Variants in ADAMTSL1 observed in about 807,000 individuals in gnomAD.
The protein encoded by ADAMTSL1 is ADAMTS like 1.
In ADAMTSL1, 126 loss-of-function variants were observed where a neutral mutation model predicts 201.8. The observed-to-expected ratio is 0.62, with a 90% CI of 0.54 to 0.72. The LOEUF (loss-of-function observed/expected upper bound fraction) is 0.72, where lower values mean the gene tolerates loss of function less well. Ranked by LOEUF, ADAMTSL1 falls within the 30% of genes least tolerant of loss-of-function variation. The pLI is 0.00. For missense variants in ADAMTSL1, 2,679 were observed against 2,277.8 expected (o/e 1.18, Z -3.59); for synonymous variants, 1,121 against 903.4 (o/e 1.24, Z -4.32).
At chr9:18,221,003 G>A (rs1260755856) in intron 2 of ADAMTSL1, among the ~76,000 whole-genome samples, 1 of 151,996 alleles carries the variant, frequency 6.6e-6, no homozygotes, top group East Asian at 1.9e-4. Flanking sequence ...TCAAACTCAT[G>A]AGCCTAAGAG....
At chr9:18,705,209 C>A (rs1009194869) in intron 13 of ADAMTSL1, among the ~76,000 whole-genome samples, 2 of 152,202 alleles carry the variant, frequency 1.3e-5, no homozygotes, top group Admixed American at 6.5e-5. Context: ...CTTATCAGTT[C>A]TTTCATTGTC....
chr9:18,612,504 G>T (rs958381956), intron 4 of ADAMTSL1, among the ~76,000 whole-genome samples: 22 of 152,090 alleles, frequency 1.4e-4, no homozygotes, highest in African/African-American at 5.1e-4. Flanking sequence ...AGTGAACAGG[G>T]CATCCAAATA....
At chr9:18,002,041 C>G (rs1819632365) in intron 1 of ADAMTSL1, among the ~76,000 whole-genome samples, 1 of 151,866 alleles carries the variant, frequency 6.6e-6, no homozygotes, top group South Asian at 2.1e-4. Context: ...GAGGGCTGTA[C>G]TTTCCTACAC....
Position 18,892,611 on chromosome 9 carries a change from A to T in ADAMTSL1, c.4851+15A>T. ...GCTGGGGCCAGGTGAGGAGCCAGAG[A>T]GGTTGTTATTTGAAAGCTAAATCTA... On this transcript the variant is annotated intron_variant, in intron 26 of 28. Coordinates refer to ENST00000380548, the MANE Select transcript of ADAMTSL1 (RefSeq NM_001040272.6). 1.9e-6 allele frequency: 3 copies of T among 1,551,052 alleles called. No homozygotes were observed. Among genetic ancestry groups the T allele is most frequent in the Non-Finnish European group, 2.6e-6 (3 of 1,147,036 alleles).
intron 23 of ADAMTSL1, among the ~76,000 whole-genome samples, chr9:18,885,722 C>G (rs1028394980): frequency 6.6e-6 from 1 of 152,070 alleles, no homozygotes; most frequent in Non-Finnish European, 1.5e-5. Flanking sequence ...CTCCTACCCT[C>G]TCACTACTAC....
At position 18,775,739 on chromosome 9, in the gene ADAMTSL1, C is replaced by T. The variant is rs747651034; in HGVS notation, c.2398-4C>T. The T allele has an allele frequency of 2.5e-6, 4 of 1,612,330 alleles. No homozygotes were observed. Among genetic ancestry groups the T allele is most frequent in the Non-Finnish European group, 3.4e-6 (4 of 1,179,236 alleles). On this transcript the variant is annotated splice_polypyrimidine_tract_variant and splice_region_variant and intron_variant, in intron 17 of 28. Transcript: ENST00000380548. ...TGTGCATTTGGCCTTTCTTTCTCCA[C>T]CAGTGTTCCACAAGCTGCGGGGAAG...
intron 21 of ADAMTSL1, among the ~76,000 whole-genome samples, chr9:18,823,010 C>T (rs1039156055): frequency 6.6e-6 from 1 of 152,174 alleles, no homozygotes; most frequent in Non-Finnish European, 1.5e-5. Context: ...TTTTCTATTT[C>T]CTCATTCTAC....
At chr9:18,337,283 G>A (rs1835279809) in intron 2 of ADAMTSL1, among the ~76,000 whole-genome samples, 1 of 152,114 alleles carries the variant, frequency 6.6e-6, no homozygotes, top group African/African-American at 2.4e-5. Flanking sequence ...AGGGGCTCTA[G>A]GGCCTTCAGC....
intron 1 of ADAMTSL1, among the ~76,000 whole-genome samples, chr9:17,980,473 A>G (rs945166732): frequency 4.0e-5 from 6 of 151,892 alleles, no homozygotes; most frequent in African/African-American, 1.5e-4. Flanking sequence ...ATTACTAGCT[A>G]TACTTTTTAT....
At chr9:18,234,823 A>G (rs1022007201) in intron 2 of ADAMTSL1, among the ~76,000 whole-genome samples, 3 of 152,230 alleles carry the variant, frequency 2.0e-5, no homozygotes, top group African/African-American at 7.2e-5. Context: ...CCAGTCTATT[A>G]AAAGTATCCA....
rs536095860 is a variant in ADAMTSL1, at chr9:18,830,391, G to A, written c.4249+414G>A. On this transcript the variant is annotated intron_variant, in intron 23 of 28. Coordinates refer to ENST00000380548, the MANE Select transcript of ADAMTSL1 (RefSeq NM_001040272.6). ...TAAACTAGAGCAATAATCAACTTTC[G>A]AGGAGAAAGTCAAATATCAGCACCC... 5.3e-5 allele frequency among the ~76,000 whole-genome samples: 8 copies of A among 152,222 alleles called. 1 individual carries two copies. The highest frequency in any genetic ancestry group is 1.2e-4 in the African/African-American group (5 of 41,522).
At chr9:17,950,321 C>T (rs890913146) in intron 1 of ADAMTSL1, among the ~76,000 whole-genome samples, 1 of 151,864 alleles carries the variant, frequency 6.6e-6, no homozygotes, top group East Asian at 1.9e-4. Flanking sequence ...ATACCTACCA[C>T]CTAGAATTAA....
At chr9:18,019,344 A>G (rs970516965) in intron 1 of ADAMTSL1, among the ~76,000 whole-genome samples, 3 of 152,102 alleles carry the variant, frequency 2.0e-5, no homozygotes, top group Non-Finnish European at 4.4e-5. Flanking sequence ...ATAACAAATG[A>G]TACTAAAATT....
intron 1 of ADAMTSL1, among the ~76,000 whole-genome samples, chr9:18,103,163 A>T (rs565500353): frequency 3.3e-5 from 5 of 152,178 alleles, no homozygotes; most frequent in Admixed American, 6.5e-5. Flanking sequence ...ATCTTTGGTG[A>T]TATGTAACAA....
chr9:18,642,543 G>A (rs917271496), intron 7 of ADAMTSL1, among the ~76,000 whole-genome samples: 38 of 151,384 alleles, frequency 2.5e-4, no homozygotes, highest in African/African-American at 8.8e-4. Context: ...TTCTCCTAAC[G>A]AAATTTTGTA....
At chr9:18,620,317 T>C (rs1389025890) in intron 4 of ADAMTSL1, among the ~76,000 whole-genome samples, 1 of 152,174 alleles carries the variant, frequency 6.6e-6, no homozygotes, top group African/African-American at 2.4e-5. Flanking sequence ...ATTTGGGCAC[T>C]ATCTCCCTCT....
intron 2 of ADAMTSL1, among the ~76,000 whole-genome samples, chr9:18,182,031 T>G (rs541720869): frequency 6.6e-6 from 1 of 151,178 alleles, no homozygotes; most frequent in South Asian, 2.1e-4. Flanking sequence ...AGTAAACTAT[T>G]GCAAGAACAA....
chr9:18,734,734 T>G (rs1268649104), intron 15 of ADAMTSL1, among the ~76,000 whole-genome samples: 1 of 152,142 alleles, frequency 6.6e-6, no homozygotes, highest in African/African-American at 2.4e-5. Flanking sequence ...CTCTTGTTCT[T>G]AGAGCTGGTA....
intron 1 of ADAMTSL1, among the ~76,000 whole-genome samples, chr9:17,960,141 A>T (rs1817682159): frequency 6.6e-6 from 1 of 152,128 alleles, no homozygotes; most frequent in South Asian, 2.1e-4. Flanking sequence ...ACACGGTTCC[A>T]TGTTTGGTCC....
Sources: allele counts gnomAD v4.1 joint callset (sites outside exome capture counted in the v4.1 genomes callset), GRCh38; gene constraint gnomAD v4.1.1; transcripts MANE v1.5; gene names NCBI Gene and HGNC (gene_info 2026-07-23, HGNC 2026-07-21).